CALD1: variants seen among roughly 807,000 people sequenced by gnomAD.
CALD1 encodes the protein caldesmon 1, also known as caldesmon.
In CALD1, 33 loss-of-function variants were observed where a neutral mutation model predicts 99.9. That is an observed-to-expected ratio of 0.33 (90% CI 0.25 to 0.44). The LOEUF is 0.44. CALD1 is among the 20% of genes least tolerant of loss of function. The pLI, the probability that CALD1 is intolerant of heterozygous loss-of-function variation, is 1.00. For missense variants in CALD1, 861 were observed against 962.1 expected (o/e 0.89, Z 1.39); for synonymous variants, 310 against 325.0 (o/e 0.95, Z 0.50).
intron 3 of CALD1, chr7:134,891,578 T>A (rs1802175085): frequency 1.9e-6 from 3 of 1,585,172 alleles, no homozygotes; most frequent in South Asian, 2.3e-5. Flanking sequence ...CCTGGCCAGG[T>A]CTCCGTATCT....
chr7:134,759,570 G>A (rs563711768), intron 1 of CALD1, among the ~76,000 whole-genome samples: 1 of 152,334 alleles, frequency 6.6e-6, no homozygotes, highest in African/African-American at 2.4e-5. Context: ...AGAGTGGAGA[G>A]TGAATGTGCG....
At chr7:134,768,028 C>A (rs572369554) in intron 1 of CALD1, among the ~76,000 whole-genome samples, 1 of 152,316 alleles carries the variant, frequency 6.6e-6, no homozygotes, top group East Asian at 1.9e-4. Flanking sequence ...AAGCTTAGAG[C>A]AAATCCAACA....
At chr7:134,792,446 T>C (rs1797576741) in intron 1 of CALD1, among the ~76,000 whole-genome samples, 1 of 151,896 alleles carries the variant, frequency 6.6e-6, no homozygotes, top group South Asian at 2.1e-4. Flanking sequence ...CTCGCCACCA[T>C]GCCAGGCTAA....
At chr7:134,712,046 A>AGAGG in the CALD1 span, among the ~76,000 whole-genome samples, 52 of 36,862 alleles carry the variant, frequency 1.4e-3, no homozygotes, top group African/African-American at 2.0e-3. Context: ...AAGGAGGGAG[A>AGAGG]GAGGGAGGGA....
intron 1 of CALD1, among the ~76,000 whole-genome samples, chr7:134,824,381 C>A (rs1307896396): frequency 6.6e-6 from 1 of 152,186 alleles, no homozygotes; most frequent in Non-Finnish European, 1.5e-5. Context: ...ATCAATTGCT[C>A]TATTCAAACA....
intron 6 of CALD1, among the ~76,000 whole-genome samples, chr7:134,939,770 C>G (rs373024147): frequency 7.9e-5 from 12 of 152,198 alleles, no homozygotes; most frequent in African/African-American, 2.9e-4. Context: ...TGAGACCAGC[C>G]TGGCCAACAA....
chr7:134,934,816 G>C (rs1805833395), intron 5 of CALD1, among the ~76,000 whole-genome samples: 1 of 152,094 alleles, frequency 6.6e-6, no homozygotes, highest in Admixed American at 6.5e-5. Flanking sequence ...GGGAGGCAGA[G>C]GTTGCAATGA....
intron 2 of CALD1, among the ~76,000 whole-genome samples, chr7:134,852,447 A>G (rs1800122145): frequency 6.6e-6 from 1 of 152,198 alleles, no homozygotes; most frequent in Non-Finnish European, 1.5e-5. Context: ...CAGAGAAACA[A>G]GATGGTGGTA....
chr7:134,891,745 TAAAAAAA>T (rs10607357), intron 3 of CALD1: 292 of 427,262 alleles, frequency 6.8e-4, no homozygotes, highest in African/African-American at 1.3e-3. Context: ...CGAATTGTTG[TAAAAAAA>T]AAAAAAAAAA....
chr7:134,846,115 G>A (rs1040841687), intron 2 of CALD1, among the ~76,000 whole-genome samples: 3 of 152,172 alleles, frequency 2.0e-5, no homozygotes, highest in African/African-American at 4.8e-5. Context: ...CAGCCAATCA[G>A]AGCTGATCAG....
Position 134,867,725 on chromosome 7 carries a change from AATCACACC to A in CALD1, c.-6_2del. 6.3e-7 allele frequency: 1 copy of A among 1,597,900 alleles called. No individual in the cohort carries two copies. Among genetic ancestry groups the A allele is most frequent in the Non-Finnish European group, 8.6e-7 (1 of 1,168,280 alleles). On this transcript the variant is annotated 5_prime_UTR_variant, in exon 3 of 15. Transcript: ENST00000361675. ...CATCATCTGGTCTCCCTGAACCTGA[AATCACACC>A]ATGGATGATTTTGAGCGTCGCAGAG...
At chr7:134,896,118 T>C (rs4576376) in intron 3 of CALD1, among the ~76,000 whole-genome samples, 97,379 of 152,012 alleles carry the variant, frequency 0.64, 31,525 homozygotes, top group East Asian at 0.9. Flanking sequence ...TTAGACTGTG[T>C]GGTCCAACCC....
At chr7:134,891,374 GCTCT>G in intron 3 of CALD1, 1 of 1,248,608 alleles carries the variant, frequency 8.0e-7, no homozygotes, top group Non-Finnish European at 1.0e-6. Flanking sequence ...ATAACAATCA[GCTCT>G]CTGATGATCC....
chr7:134,953,693 C>CAACCT (rs1807551915), intron 9 of CALD1, among the ~76,000 whole-genome samples: 1 of 125,864 alleles, frequency 7.9e-6, no homozygotes, highest in Non-Finnish European at 1.6e-5. Flanking sequence ...GGAGAAACTA[C>CAACCT]AACCTACCCT....
intron 3 of CALD1, among the ~76,000 whole-genome samples, chr7:134,886,694 T>C (rs552663361): frequency 1.3e-5 from 2 of 152,300 alleles, no homozygotes; most frequent in East Asian, 3.9e-4. Flanking sequence ...GATAAGTAGG[T>C]TTCTATTTCA....
At chr7:134,726,605 A>T in the CALD1 span, among the ~76,000 whole-genome samples, 2 of 151,110 alleles carry the variant, frequency 1.3e-5, no homozygotes, top group Non-Finnish European at 2.9e-5. Context: ...GACAAAAAGG[A>T]GAACATTGGC....
intron 3 of CALD1, among the ~76,000 whole-genome samples, chr7:134,872,542 C>T (rs1242190919): frequency 6.6e-6 from 1 of 152,026 alleles, no homozygotes; most frequent in Admixed American, 6.6e-5. Context: ...AAAAGAAATA[C>T]AGATGCTGAA....
At chr7:134,839,148 T>C (rs888165383) in intron 1 of CALD1, among the ~76,000 whole-genome samples, 1 of 152,210 alleles carries the variant, frequency 6.6e-6, no homozygotes, top group African/African-American at 2.4e-5. Context: ...GAAGTATTAA[T>C]TTTGTCTGGG....
intron 13 of CALD1, 98 bp downstream of exon 13, chr7:134,960,726 C>G (rs1393895486): frequency 1.4e-6 from 1 of 714,328 alleles, no homozygotes; most frequent in African/African-American, 1.8e-5. Flanking sequence ...AATGGCAGTG[C>G]CCCTGTTCTT....
Sources: allele counts gnomAD v4.1 joint callset (sites outside exome capture counted in the v4.1 genomes callset), GRCh38; gene constraint gnomAD v4.1.1; transcripts MANE v1.5; gene names NCBI Gene and HGNC (gene_info 2026-07-23, HGNC 2026-07-21).